Variants in NBPF20 observed in about 807,000 individuals in gnomAD.
NBPF20 encodes the protein NBPF member 20, also known as NBPF family member NBPF20.
A neutral mutation model predicts 68.1 loss-of-function variants in NBPF20; 90 were observed. The observed-to-expected ratio is 1.32, with a 90% CI of 1.11 to 1.58. The LOEUF (loss-of-function observed/expected upper bound fraction) is 1.58, where lower values mean the gene tolerates loss of function less well. Among genes scored for constraint, NBPF20 ranks in the 40% most tolerant of loss-of-function variants. NBPF20 has a pLI of 0.00. For missense variants in NBPF20, 816 were observed against 601.2 expected, an observed-to-expected ratio of 1.36 and a Z score of -3.74; for synonymous variants, 290 against 228.1, an observed-to-expected ratio of 1.27 and a Z score of -2.45.
intron 118 of NBPF20, among the ~76,000 whole-genome samples, chr1:145,307,238 G>C (rs1192768341): frequency 8.3e-4 from 19 of 22,960 alleles, no homozygotes; most frequent in African/African-American, 1.6e-3. Flanking sequence ...AATGTGCTGA[G>C]AGCGGGCTCA....
At chr1:145,423,904 T>A in the NBPF20 span, among the ~76,000 whole-genome samples, 1 of 151,726 alleles carries the variant, frequency 6.6e-6, no homozygotes, top group South Asian at 2.1e-4. Flanking sequence ...CTCCTACAAA[T>A]ATACCCCAGT....
chr1:145,412,021 C>T, the NBPF20 span, among the ~76,000 whole-genome samples: 2 of 121,910 alleles, frequency 1.6e-5, no homozygotes, highest in Middle Eastern at 3.6e-3. Flanking sequence ...CAAGATGCTT[C>T]TTCACCTTTT....
chr1:145,412,340 G>A, the NBPF20 span, among the ~76,000 whole-genome samples: 1 of 152,038 alleles, frequency 6.6e-6, no homozygotes, highest in South Asian at 2.1e-4. Context: ...TGGTATTTCA[G>A]ATTAAGACAC....
At chr1:145,423,862 T>C in the NBPF20 span, among the ~76,000 whole-genome samples, 1 of 152,236 alleles carries the variant, frequency 6.6e-6, no homozygotes, top group East Asian at 1.9e-4. Flanking sequence ...CTAAGTTTTA[T>C]CATTCATATA....
At chr1:145,417,466 C>T in the NBPF20 span, among the ~76,000 whole-genome samples, 997 of 145,812 alleles carry the variant, frequency 6.8e-3, 17 homozygotes, top group Non-Finnish European at 9.1e-3. Flanking sequence ...TTAAGTTGAG[C>T]CTCATTAAAA....
chr1:145,392,946 A>G (rs1571358419), intron 10 of NBPF20, 128 bp downstream of exon 15: 2 of 353,046 alleles, frequency 5.7e-6, no homozygotes, highest in East Asian at 1.6e-4. Context: ...CATTCAACCT[A>G]CATGTGCCTA....
exon 138 of NBPF20, chr1:145,291,298 C>G: frequency 4.4e-6 from 3 of 675,446 alleles, no homozygotes; most frequent in Non-Finnish European, 7.5e-6. Flanking sequence ...CTGATCACTC[C>G]CGGCATGTGC....
chr1:145,390,375 G>C (rs1553662172), intron 13 of NBPF20, among the ~76,000 whole-genome samples: 2 of 57,986 alleles, frequency 3.4e-5, no homozygotes, highest in African/African-American at 1.2e-4. Flanking sequence ...CACACACAGA[G>C]AGAGAACGAG....
At chr1:145,291,504 C>A (rs1553657535) in exon 138 of NBPF20, 2 of 1,612,018 alleles carry the variant, frequency 1.2e-6, no homozygotes, top group Non-Finnish European at 1.7e-6. Flanking sequence ...GGAATGACAT[C>A]TCTCGGCTTA....
the NBPF20 span, among the ~76,000 whole-genome samples, chr1:145,418,996 A>T: frequency 7.0e-6 from 1 of 143,176 alleles, no homozygotes; most frequent in East Asian, 2.0e-4. Context: ...GGAAAGAAAA[A>T]GAGAGAGCAT....
the NBPF20 span, among the ~76,000 whole-genome samples, chr1:145,425,078 C>T: frequency 2.0e-5 from 3 of 152,070 alleles, no homozygotes; most frequent in Non-Finnish European, 4.4e-5. Flanking sequence ...CGAAGCTGCT[C>T]GTCCCTCCAC....
chr1:145,309,481 G>GAC lies in NBPF20; in HGVS notation c.13938-235_13938-234dup, dbSNP rs1183681611. Among the ~76,000 whole-genome samples, 4 of 70,690 alleles carry GAC rather than the reference G, an allele frequency of 5.7e-5. No homozygotes were observed. The East Asian group carries it at 8.4e-4, about 15-fold the overall frequency. The allele number at this position is 70,690 out of a possible 152,430, so 46.4% of individuals were successfully genotyped here. The stretch of plus-strand genomic sequence containing the variant: ...ACACACACACACACACACACACACA[G>GAC]ACACACACACACACACAGAGAGAGA... On this transcript the variant is annotated intron_variant, in intron 115 of 137. Coordinates refer to ENST00000369373, the Ensembl canonical transcript of NBPF20.
chr1:145,402,435 C>G, intron 3 of NBPF20, 54 bp from the exon 9 acceptor site: 3 of 1,585,638 alleles, frequency 1.9e-6, no homozygotes, highest in Non-Finnish European at 2.6e-6. Context: ...GTGATCCGCT[C>G]AAATATTGCA....
At chr1:145,409,719 A>C (rs1411367367), upstream of NBPF20, among the ~76,000 whole-genome samples, 2 of 151,638 alleles carry the variant, frequency 1.3e-5, no homozygotes, top group African/African-American at 4.8e-5. Flanking sequence ...GATTAACTGA[A>C]TTTAACTGAG....
chr1:145,424,677 G>C, the NBPF20 span, among the ~76,000 whole-genome samples: 2 of 152,178 alleles, frequency 1.3e-5, no homozygotes, highest in African/African-American at 4.8e-5. Flanking sequence ...TTCGGAGAAA[G>C]GACGCCAAAT....
chr1:145,400,971 G>A (rs11485976), intron 5 of NBPF20, 88 bp downstream of exon 10: 32 of 1,530,058 alleles, frequency 2.1e-5, no homozygotes, highest in Non-Finnish European at 2.8e-5. Flanking sequence ...TGGGTTTTTG[G>A]CCGATCATAG....
chr1:145,403,673 G>A (rs1472977165), intron 2 of NBPF20, among the ~76,000 whole-genome samples: 2 of 152,184 alleles, frequency 1.3e-5, no homozygotes, highest in Admixed American at 1.3e-4. Flanking sequence ...GGGGCATGAA[G>A]TAGTGATTTC....
the NBPF20 span, among the ~76,000 whole-genome samples, chr1:145,424,098 A>C: frequency 6.9e-6 from 1 of 144,136 alleles, no homozygotes; most frequent in Non-Finnish European, 1.5e-5. Context: ...ACCTCAGCCT[A>C]CCAGGTAGCT....
Position 145,393,539 on chromosome 1 carries a change from A to T in NBPF20, c.1044-293T>A, listed in dbSNP as rs61810770. ...AGGTGACACACTGATGAGGGAGTCA[A>T]AGGACACTCTGTATTTGTGCTCTCA... On this transcript the variant is annotated intron_variant, in intron 9 of 137. Coordinates refer to ENST00000369373, the Ensembl canonical transcript of NBPF20. Among the ~76,000 whole-genome samples the T allele has an allele frequency of 2.7e-3, 418 of 152,036 alleles. 3 individuals are homozygous for T. The highest frequency in any genetic ancestry group is 0.013 in the South Asian group (62 of 4,800).
Sources: allele counts gnomAD v4.1 joint callset (sites outside exome capture counted in the v4.1 genomes callset), GRCh38; gene constraint gnomAD v4.1.1; transcripts MANE v1.5; gene names NCBI Gene and HGNC (gene_info 2026-07-23, HGNC 2026-07-21).